The following VPS8 variants were observed in gnomAD, a reference collection of about 807,000 sequenced individuals.
VPS8 encodes VPS8 subunit of CORVET complex, also known as vacuolar protein sorting-associated protein 8 homolog.
A neutral mutation model predicts 216.4 loss-of-function variants in VPS8; 129 were observed. That is an observed-to-expected ratio of 0.60 (90% CI 0.52 to 0.69). The LOEUF is 0.69. VPS8 is among the 30% of genes least tolerant of loss of function. The pLI, the probability that VPS8 is intolerant of heterozygous loss-of-function variation, is 0.00. For synonymous variants in VPS8, 571 were observed against 565.4 expected (o/e 1.01, Z -0.14); for missense variants, 1,531 against 1,683.5 (o/e 0.91, Z 1.59).
intron 1 of VPS8, among the ~76,000 whole-genome samples, chr3:184,817,723 CAG>C (rs1716646880): frequency 1.3e-5 from 2 of 152,214 alleles, no homozygotes; most frequent in South Asian, 2.1e-4. Flanking sequence ...ATTTGCAACA[CAG>C]ATGTTATTCC....
In VPS8 at chr3:184,870,844, A is replaced by G. The variant is rs776556491; in HGVS notation, c.1734+39A>G. On this transcript the variant is annotated intron_variant, in intron 21 of 47. Coordinates refer to ENST00000625842, the MANE Select transcript of VPS8 (RefSeq NM_001009921.3). ...GTGCTTCCAGTAGACGATGCTCTGG[A>G]TAGGTCTAATACTCCTCTTTTATGT... 1.1e-5 allele frequency: 16 copies of G among 1,520,890 alleles called. No homozygotes were observed. The Admixed American group carries it at 2.2e-4, about 21-fold the overall frequency. 94.2% of individuals were successfully genotyped at this position (1,520,890 alleles called of 1,614,324 possible). A position where few individuals can be genotyped will look rare whatever the true frequency, so the allele number is the denominator to read the frequency against.
intron 36 of VPS8, among the ~76,000 whole-genome samples, chr3:184,949,966 G>C (rs1477121903): frequency 2.6e-5 from 4 of 151,770 alleles, no homozygotes; most frequent in Non-Finnish European, 5.9e-5. Context: ...CTGGAGTGCA[G>C]TGGCGTGATT....
At chr3:184,993,536 C>G (rs1487264553) in intron 42 of VPS8, among the ~76,000 whole-genome samples, 1 of 152,038 alleles carries the variant, frequency 6.6e-6, no homozygotes, top group East Asian at 1.9e-4. Flanking sequence ...TTCTCAGAAC[C>G]TGTTTGTCTC....
intron 40 of VPS8, chr3:184,982,327 C>T (rs571414311): frequency 2.9e-5 from 14 of 478,376 alleles, no homozygotes; most frequent in Non-Finnish European, 5.1e-5. Context: ...GGCCTCCTTA[C>T]GTTTCCCAGG....
At chr3:184,832,898 G>A (rs929453785) in intron 4 of VPS8, 79 bp downstream of exon 4, 1 of 1,492,308 alleles carries the variant, frequency 6.7e-7, no homozygotes, top group Non-Finnish European at 9.1e-7. Context: ...ACTTTTTAAA[G>A]TACAATATGG....
intron 37 of VPS8, among the ~76,000 whole-genome samples, chr3:184,959,554 T>A (rs1377264744): frequency 1.3e-5 from 2 of 152,072 alleles, no homozygotes; most frequent in Non-Finnish European, 2.9e-5. Context: ...AGAAAAAAAA[T>A]GTTTTCTTAA....
intron 25 of VPS8, among the ~76,000 whole-genome samples, chr3:184,904,646 T>C (rs1033039996): frequency 6.6e-6 from 1 of 152,234 alleles, no homozygotes; most frequent in Admixed American, 6.5e-5. Flanking sequence ...TCTACAGTTT[T>C]GTTTTCTTTT....
chr3:184,909,174 G>C (rs1339758025), intron 25 of VPS8, among the ~76,000 whole-genome samples: 8 of 152,156 alleles, frequency 5.3e-5, no homozygotes, highest in Non-Finnish European at 1.2e-4. Context: ...AGGCAATATT[G>C]GTTTTCAAAA....
chr3:184,864,715 T>C (rs1012602914), intron 16 of VPS8, among the ~76,000 whole-genome samples: 5 of 152,156 alleles, frequency 3.3e-5, no homozygotes, highest in African/African-American at 1.2e-4. Flanking sequence ...TCAAACTGTT[T>C]CCAAATCACT....
chr3:185,034,609 T>TTTGTTGTTGTTG (rs71632042), intron 46 of VPS8, among the ~76,000 whole-genome samples: 2 of 145,546 alleles, frequency 1.4e-5, no homozygotes, highest in Middle Eastern at 3.5e-3. Context: ...CGTTGATAGT[T>TTTGTTGTTGTTG]TTGTTGTTGT....
chr3:184,952,259 A>G (rs1649677424), intron 36 of VPS8, among the ~76,000 whole-genome samples: 2 of 148,936 alleles, frequency 1.3e-5, no homozygotes, highest in South Asian at 4.1e-4. Flanking sequence ...TTCCTCTGAT[A>G]ATAAGATAAA....
At chr3:184,967,042 C>G (rs1026980303) in intron 39 of VPS8, among the ~76,000 whole-genome samples, 3 of 151,664 alleles carry the variant, frequency 2.0e-5, no homozygotes, top group African/African-American at 7.3e-5. Context: ...TCTTGGCTCA[C>G]TGCAACCTCC....
intron 36 of VPS8, among the ~76,000 whole-genome samples, chr3:184,948,244 T>C (rs1185709278): frequency 6.6e-6 from 1 of 151,010 alleles, no homozygotes; most frequent in East Asian, 1.9e-4. Context: ...TTAAATCTGC[T>C]TTGTTGGAAT....
rs775596256 is a variant in VPS8 at position 185,051,969 on chromosome 3, T to G, written c.4231T>G (p.Phe1411Val). 1.2e-6 allele frequency: 2 copies of G among 1,613,114 alleles called. No individual in the cohort carries two copies. Among genetic ancestry groups the G allele is most frequent in the African/African-American group, 2.7e-5 (2 of 75,058 alleles). ...GAGTGCTCCTGCTTTCAACAGCATC[T>G]TCCAGAATGAGAACTTCCAGCTGCA... Reference protein sequence around the residue: ...SQSAPAFNSIFQNENFQLQLI... With the variant: ...SQSAPAFNSIVQNENFQLQLI... The change falls in exon 48 of 48, where the codon TTC becomes GTC. Residue 1411 changes from phenylalanine to valine, a missense_variant. Around this residue, in one of 3 missense-constraint regions of VPS8, gnomAD observed 1,318 missense variants for 1,468.4 expected, o/e 0.90. Coordinates refer to ENST00000625842, the MANE Select transcript of VPS8 (RefSeq NM_001009921.3).
At chr3:184,944,623 G>T in intron 36 of VPS8, 1 of 978,516 alleles carries the variant, frequency 1.0e-6, no homozygotes, top group Non-Finnish European at 1.2e-6. Context: ...ATTTTCCTCA[G>T]TATGATTTTC....
chr3:184,958,576 A>T (rs1165448517), intron 37 of VPS8, among the ~76,000 whole-genome samples: 1 of 152,184 alleles, frequency 6.6e-6, no homozygotes, highest in Non-Finnish European at 1.5e-5. Flanking sequence ...CTTTCTGTCC[A>T]TAAATAAGTT....
chr3:185,050,882 A>G (rs9867179), intron 47 of VPS8, among the ~76,000 whole-genome samples: 72,908 of 151,926 alleles, frequency 0.48, 17,806 homozygotes, highest in East Asian at 0.67. Context: ...TAGTGGACAC[A>G]GTGGCCCATC....
intron 3 of VPS8, 85 bp from the exon 4 acceptor site, chr3:184,832,604 T>C: frequency 8.1e-7 from 1 of 1,228,784 alleles, no homozygotes; most frequent in Non-Finnish European, 1.1e-6. Flanking sequence ...AGCACTTGTG[T>C]GCTCTGGAGA....
intron 34 of VPS8, among the ~76,000 whole-genome samples, chr3:184,933,172 T>A (rs1222727245): frequency 6.6e-6 from 1 of 152,222 alleles, no homozygotes; most frequent in African/African-American, 2.4e-5. Flanking sequence ...ATTAATATTT[T>A]AAATTTCACT....
Sources: gnomAD v4.1 joint callset for allele counts (sites outside exome capture counted in the v4.1 genomes callset) on GRCh38, gnomAD v4.1.1 for gene constraint, gnomAD v4.1.1 regional missense constraint, MANE v1.5 for transcripts, NCBI Gene and HGNC (gene_info 2026-07-23, HGNC 2026-07-21) for gene names.